Variants in FAM200B observed in about 807,000 individuals in gnomAD.
FAM200B encodes zinc finger BED-type containing 11.
In FAM200B, 32 loss-of-function variants were observed where a neutral mutation model predicts 33.1. That is an observed-to-expected ratio of 0.97 (90% CI 0.73 to 1.30). The LOEUF (loss-of-function observed/expected upper bound fraction) is 1.30, where lower values mean the gene tolerates loss of function less well. Among genes scored for constraint, FAM200B ranks in the 50% most tolerant of loss-of-function variants. The pLI is 0.00. For synonymous variants in FAM200B, 240 were observed against 264.8 expected (o/e 0.91, Z 0.91); for missense variants, 741 against 754.0 (o/e 0.98, Z 0.20).
chr4:15,653,884 T>G, the FAM200B span, among the ~76,000 whole-genome samples: 2 of 152,296 alleles, frequency 1.3e-5, no homozygotes, highest in Admixed American at 1.3e-4. Context: ...AATCCTAATT[T>G]TAGTGACCTA....
At chr4:15,677,618 CCAAA>C (rs1161307460), upstream of FAM200B, among the ~76,000 whole-genome samples, 1 of 152,152 alleles carries the variant, frequency 6.6e-6, no homozygotes, top group Non-Finnish European at 1.5e-5. Flanking sequence ...CAAGGGGCTT[CCAAA>C]CACATTAATG....
At chr4:15,676,502 G>T in the FAM200B span, among the ~76,000 whole-genome samples, 1 of 152,146 alleles carries the variant, frequency 6.6e-6, no homozygotes, top group Non-Finnish European at 1.5e-5. Context: ...TCAATAAAAT[G>T]AAATATGTGG....
the FAM200B span, among the ~76,000 whole-genome samples, chr4:15,657,773 T>A: frequency 1.3e-5 from 2 of 152,224 alleles, no homozygotes; most frequent in Non-Finnish European, 2.9e-5. Flanking sequence ...GAACTTTAGC[T>A]CTAAAGAGGT....
At chr4:15,651,274 G>C in the FAM200B span, among the ~76,000 whole-genome samples, 1 of 152,080 alleles carries the variant, frequency 6.6e-6, no homozygotes, top group South Asian at 2.1e-4. Flanking sequence ...GAACTAGTAA[G>C]GTAATGCAAA....
rs1435581976 is a variant in FAM200B, at chr4:15,688,101, C to T, written c.1124C>T (p.Thr375Ile). 40 of 1,551,126 alleles carry T rather than the reference C, an allele frequency of 2.6e-5. No homozygotes were observed. The highest frequency in any genetic ancestry group is 3.5e-5 in the Non-Finnish European group (40 of 1,146,752). ...GAAACATTTTGTTCAGAGATTGGAACTAATCATACCCACTTACTATATCAT... is the reference window on the plus strand; with the variant it reads ...GAAACATTTTGTTCAGAGATTGGAATTAATCATACCCACTTACTATATCAT... ...LLETFCSEIG[T>I]NHTHLLYHTK... The change falls in exon 2 of 2, where the codon ACT becomes ATT. Residue 375 changes from threonine to isoleucine, a missense_variant. By Grantham distance (89) the Thr-to-Ile change is moderately conservative. Coordinates refer to ENST00000422728, the MANE Select transcript of FAM200B (RefSeq NM_001145191.2).
chr4:15,664,702 C>T, the FAM200B span, among the ~76,000 whole-genome samples: 4 of 151,832 alleles, frequency 2.6e-5, no homozygotes, highest in Non-Finnish European at 4.4e-5. Context: ...GGATTACAGG[C>T]GCCTGATACC....
chr4:15,655,862 C>G, the FAM200B span, among the ~76,000 whole-genome samples: 3 of 152,224 alleles, frequency 2.0e-5, no homozygotes, highest in Admixed American at 2.0e-4. Context: ...CAGACCACCC[C>G]GGCCGCCACT....
Position 15,688,845 on chromosome 4 carries a change from C to G in FAM200B, c.1868C>G (p.Thr623Arg). Residue 623 changes from threonine (T) to arginine (R), a missense_variant, in exon 2 of 2, where the codon ACA (threonine) becomes AGA (arginine). Transcript: ENST00000422728. ...LGFSILTQLK[T>R]KERNGLNCAA... The stretch of plus-strand genomic sequence containing the variant: ...TTTTCCATCTTAACGCAGTTAAAAA[C>G]AAAGGAAAGAAATGGGCTGAATTGT... The G allele has an allele frequency of 6.4e-7, 1 of 1,551,408 alleles. No individual in the cohort carries two copies. Among genetic ancestry groups the G allele is most frequent in the Non-Finnish European group, 8.7e-7 (1 of 1,146,850 alleles).
the FAM200B span, chr4:15,644,602 T>C: frequency 1.1e-5 from 18 of 1,614,008 alleles, no homozygotes; most frequent in South Asian, 1.9e-4. Flanking sequence ...ACCAATAATG[T>C]ATTCATTTTC....
Position 15,687,218 on chromosome 4 carries a change from A to G in FAM200B, c.241A>G (p.Asn81Asp). Residue 81 changes from asparagine (N) to aspartate (D), a missense_variant, in exon 2 of 2, where the codon AAT becomes GAT. Coordinates refer to ENST00000422728, the MANE Select transcript of FAM200B (RefSeq NM_001145191.2). Reference sequence around the variant, plus strand: ...TATCAAATGTGAAAAACCCTTTGAAAATGACAGACCTCAGTGTGTTATTTG... The same window carrying G: ...TATCAAATGTGAAAAACCCTTTGAAGATGACAGACCTCAGTGTGTTATTTG... ...GFIKCEKPFE[N>D]DRPQCVICNN... 6.5e-7 allele frequency: 1 copy of G among 1,540,294 alleles called. No homozygotes were observed. Among genetic ancestry groups the G allele is most frequent in the Non-Finnish European group, 8.8e-7 (1 of 1,142,530 alleles).
chr4:15,644,871 T>C, the FAM200B span, among the ~76,000 whole-genome samples: 1 of 152,204 alleles, frequency 6.6e-6, no homozygotes, highest in Non-Finnish European at 1.5e-5. Context: ...GTTATAATGG[T>C]ATAATAAAAA....
the FAM200B span, among the ~76,000 whole-genome samples, chr4:15,674,167 A>G: frequency 4.0e-5 from 6 of 151,874 alleles, no homozygotes; most frequent in Non-Finnish European, 2.9e-5. Context: ...TTCTCTGGAA[A>G]TACTAAAGAA....
At position 15,688,937 on chromosome 4, in the gene FAM200B, G is replaced by A. The variant is rs1014060481; in HGVS notation, c.1960G>A (p.Ala654Thr). 5 of 1,494,296 alleles carry A rather than the reference G, an allele frequency of 3.3e-6. No individual in the cohort carries two copies. In the African/African-American group the frequency reaches 5.6e-5, roughly 17 times the overall value. The allele number at this position is 1,494,296 out of a possible 1,614,324, so 92.6% of individuals were successfully genotyped here. A position where few individuals can be genotyped will look rare whatever the true frequency, so the allele number is the denominator to read the frequency against. Residue 654 changes from alanine to threonine, a missense_variant, in exon 2 of 2, where the codon GCA (alanine) becomes ACA (threonine). Coordinates refer to ENST00000422728, the MANE Select transcript of FAM200B (RefSeq NM_001145191.2). ...PDWNELMNRQ[A>T]HPS ...CTGGAATGAACTTATGAACAGGCAA[G>A]CACACCCATCATAGTAAATAAAAAT...
At chr4:15,640,847 T>C in the FAM200B span, 2 of 1,561,114 alleles carry the variant, frequency 1.3e-6, no homozygotes, top group Non-Finnish European at 1.7e-6. Flanking sequence ...AATCTCTCTT[T>C]CAGTTGTTTT....
chr4:15,656,319 TTAGA>T, the FAM200B span: 3 of 456,116 alleles, frequency 6.6e-6, no homozygotes, highest in African/African-American at 6.0e-5. Context: ...CCGGTCAGTC[TTAGA>T]TTGGTTGGCT....
At chr4:15,683,487 G>A (rs936222640) in intron 1 of FAM200B, among the ~76,000 whole-genome samples, 11 of 152,072 alleles carry the variant, frequency 7.2e-5, no homozygotes, top group African/African-American at 1.4e-4. Flanking sequence ...GGATTGAAAC[G>A]TGAATAGTAA....
chr4:15,661,917 T>C, the FAM200B span, among the ~76,000 whole-genome samples: 2 of 152,336 alleles, frequency 1.3e-5, no homozygotes, highest in South Asian at 2.1e-4. Flanking sequence ...CACATCCTCA[T>C]AGGCTGTTAG....
Position 15,686,306 on chromosome 4 carries a change from A to G in FAM200B, c.-672A>G, listed in dbSNP as rs1282511918. ...CTCCAACCTGATATTTGACCTAGCC[A>G]TGGAAAACCTCATTGGCTCCTCACT... On this transcript the variant is annotated 5_prime_UTR_variant, in exon 2 of 2. It removes an upstream start codon present in the reference 5' UTR. Transcript: ENST00000422728. 6.6e-6 allele frequency: 1 copy of G among 152,192 alleles called. No individual in the cohort carries two copies. The highest frequency in any genetic ancestry group is 1.5e-5 in the Non-Finnish European group (1 of 68,034). 9.4% of individuals were successfully genotyped at this position (152,192 alleles called of 1,614,324 possible).
the FAM200B span, among the ~76,000 whole-genome samples, chr4:15,672,345 A>T: frequency 6.6e-6 from 1 of 152,218 alleles, no homozygotes; most frequent in Non-Finnish European, 1.5e-5. Flanking sequence ...TTAATGACAG[A>T]GATATGTTCT....
Sources: gnomAD v4.1 joint callset for allele counts (sites outside exome capture counted in the v4.1 genomes callset) on GRCh38, gnomAD v4.1.1 for gene constraint, MANE v1.5 for transcripts, NCBI Gene and HGNC (gene_info 2026-07-23, HGNC 2026-07-21) for gene names.